DEPDC1B: variants seen among roughly 807,000 people sequenced by gnomAD.
The protein encoded by DEPDC1B is DEP domain containing 1B.
A neutral mutation model predicts 66.5 loss-of-function variants in DEPDC1B; 51 were observed. The observed-to-expected ratio is 0.77, with a 90% CI of 0.61 to 0.97. DEPDC1B has a LOEUF of 0.97. Ranked by LOEUF, DEPDC1B falls within the 50% of genes least tolerant of loss-of-function variation. The pLI, the probability that DEPDC1B is intolerant of heterozygous loss-of-function variation, is 0.00. For missense variants in DEPDC1B, 552 were observed against 637.1 expected, an observed-to-expected ratio of 0.87 and a Z score of 1.44; for synonymous variants, 226 against 223.6, an observed-to-expected ratio of 1.01 and a Z score of -0.10.
At chr5:60,603,683 T>C in intron 8 of DEPDC1B, 116 bp from the exon 9 acceptor site, 1 of 1,010,542 alleles carries the variant, frequency 9.9e-7, no homozygotes, top group South Asian at 2.3e-5. Flanking sequence ...GTGCATATTC[T>C]ACCAAGAGTA....
chr5:60,662,328 C>CGGTG (rs1258311486), intron 2 of DEPDC1B, among the ~76,000 whole-genome samples: 1 of 151,922 alleles, frequency 6.6e-6, no homozygotes, highest in African/African-American at 2.4e-5. Context: ...GCAGAGCTTG[C>CGGTG]GGTGAGCTGA....
intron 7 of DEPDC1B, among the ~76,000 whole-genome samples, chr5:60,610,764 C>T (rs1752400208): frequency 6.6e-6 from 1 of 152,220 alleles, no homozygotes. Context: ...GGAAGATTTT[C>T]AGGCTTGCAT....
In DEPDC1B at chr5:60,636,799, G is replaced by T. The variant is rs181552280; in HGVS notation, c.898+1951C>A. ...AAGGTTAATGTATTACCATCCATAT[G>T]CATTAGTGCATTCCTGCTGATACCT... On this transcript the variant is annotated intron_variant, in intron 7 of 10. Coordinates refer to ENST00000265036, the MANE Select transcript of DEPDC1B (RefSeq NM_018369.3). 6.6e-5 allele frequency among the ~76,000 whole-genome samples: 10 copies of T among 152,252 alleles called. No homozygotes were observed. The East Asian group carries it at 1.9e-3, about 29-fold the overall frequency.
chr5:60,623,502 A>G (rs1364421194), intron 7 of DEPDC1B, among the ~76,000 whole-genome samples: 1 of 152,174 alleles, frequency 6.6e-6, no homozygotes, highest in South Asian at 2.1e-4. Context: ...TTGGCTATTC[A>G]GATTATTTGT....
chr5:60,638,684 A>G, intron 7 of DEPDC1B, 66 bp downstream of exon 7: 1 of 1,497,640 alleles, frequency 6.7e-7, no homozygotes, highest in Non-Finnish European at 8.9e-7. Flanking sequence ...GAAGTCTCAA[A>G]ATAGTGAAAA....
intron 7 of DEPDC1B, among the ~76,000 whole-genome samples, chr5:60,606,634 A>G (rs893069775): frequency 1.3e-5 from 2 of 149,736 alleles, no homozygotes; most frequent in Non-Finnish European, 3.0e-5. Flanking sequence ...AAAAAAAAAA[A>G]AAAAATTTAA....
At chr5:60,645,744 G>T in intron 3 of DEPDC1B, 125 bp from the exon 4 acceptor site, 5 of 981,250 alleles carry the variant, frequency 5.1e-6, no homozygotes, top group Admixed American at 3.3e-5. Context: ...CTTGTAACTT[G>T]ATTTAAAATA....
At chr5:60,650,763 T>A (rs1015770910) in intron 2 of DEPDC1B, among the ~76,000 whole-genome samples, 1 of 152,154 alleles carries the variant, frequency 6.6e-6, no homozygotes, top group Admixed American at 6.5e-5. Context: ...TCCAAAGGTG[T>A]TTACAATCAT....
chr5:60,611,121 G>A (rs911060388), intron 7 of DEPDC1B, among the ~76,000 whole-genome samples: 4 of 152,044 alleles, frequency 2.6e-5, no homozygotes, highest in African/African-American at 4.8e-5. Context: ...CCATGTCTCT[G>A]TATCACATTT....
intron 7 of DEPDC1B, among the ~76,000 whole-genome samples, chr5:60,623,752 A>G (rs982281343): frequency 1.3e-5 from 2 of 152,158 alleles, no homozygotes; most frequent in Non-Finnish European, 2.9e-5. Flanking sequence ...ATCCCTACTT[A>G]TAATTCATCC....
Position 60,644,871 on chromosome 5 carries a change from G to C in DEPDC1B, c.583C>G (p.Gln195Glu), listed in dbSNP as rs760102134. ...AAGGAATCCAGGCCAAGAATTTTCT[G>C]TAAGCTAAAAGATAAGTAATTATAT... ...IWKSMTLSYL[Q>E]KILGLDSLEE... Residue 195 changes from glutamine (Q) to glutamate (E), a missense_variant, in exon 5 of 11, where the codon CAG becomes GAG. Physicochemically the swap from Gln to Glu is conservative, Grantham distance 29 (BLOSUM62 2). Transcript: ENST00000265036. The C allele has an allele frequency of 6.3e-6, 10 of 1,599,298 alleles. No individual in the cohort carries two copies. In the South Asian group the frequency reaches 1.1e-4, roughly 18 times the overall value.
intron 1 of DEPDC1B, among the ~76,000 whole-genome samples, chr5:60,692,629 C>G (rs1390252907): frequency 6.6e-6 from 1 of 152,058 alleles, no homozygotes; most frequent in Admixed American, 6.5e-5. Flanking sequence ...TCTACAAAAG[C>G]TAAATATCTG....
At chr5:60,660,913 G>A (rs1753699304) in intron 2 of DEPDC1B, among the ~76,000 whole-genome samples, 1 of 152,130 alleles carries the variant, frequency 6.6e-6, no homozygotes, top group South Asian at 2.1e-4. Context: ...AAACACAATG[G>A]GTATTCAGTA....
intron 7 of DEPDC1B, among the ~76,000 whole-genome samples, chr5:60,638,499 T>C (rs1340744576): frequency 6.6e-6 from 1 of 152,184 alleles, no homozygotes; most frequent in East Asian, 1.9e-4. Flanking sequence ...AAAAGTGACA[T>C]ACAACATATT....
rs543968003 is a variant in DEPDC1B, at chr5:60,597,786, T to C, written c.1557A>G (p.Gln519=). 1.2e-5 allele frequency: 20 copies of C among 1,613,086 alleles called. No individual in the cohort carries two copies. Among genetic ancestry groups the C allele is most frequent in the African/African-American group, 5.3e-5 (4 of 74,980 alleles). Residue 519 remains glutamine, a synonymous_variant, in exon 11 of 11, where the codon CAA becomes CAG. Coordinates refer to ENST00000265036, the MANE Select transcript of DEPDC1B (RefSeq NM_018369.3). ...GAAAACTTCTAGTTCTTTGAAATGG[T>C]TGGAAAGGCTTCTTTAGTGCCCACA... ...LLMWALKKPF[Q]PFQRTRSFRM
At chr5:60,598,585 A>C (rs1752140365) in intron 10 of DEPDC1B, among the ~76,000 whole-genome samples, 1 of 152,204 alleles carries the variant, frequency 6.6e-6, no homozygotes, top group Non-Finnish European at 1.5e-5. Context: ...TGGAACCCTA[A>C]GCTGTGTTCC....
At chr5:60,692,277 G>A (rs956232757) in intron 1 of DEPDC1B, among the ~76,000 whole-genome samples, 5 of 152,116 alleles carry the variant, frequency 3.3e-5, no homozygotes, top group African/African-American at 1.2e-4. Context: ...ACATCATGGT[G>A]AAGATATTAA....
chr5:60,628,468 A>G (rs1367228973), intron 7 of DEPDC1B: 1 of 152,232 alleles, frequency 6.6e-6, no homozygotes, highest in African/African-American at 2.4e-5. Context: ...AGAAGAGTTA[A>G]TTGTAGTTTT....
chr5:60,672,322 G>T (rs759014946), intron 2 of DEPDC1B, among the ~76,000 whole-genome samples: 6 of 152,128 alleles, frequency 3.9e-5, no homozygotes, highest in Non-Finnish European at 7.4e-5. Flanking sequence ...CCTGAGACTG[G>T]GTAGTTTATA....
Sources: gnomAD v4.1 joint callset for allele counts (sites outside exome capture counted in the v4.1 genomes callset) on GRCh38, gnomAD v4.1.1 for gene constraint, MANE v1.5 for transcripts, NCBI Gene and HGNC (gene_info 2026-07-23, HGNC 2026-07-21) for gene names.